Variants in NRDE2 observed in about 807,000 individuals in gnomAD.
The protein encoded by NRDE2 is nuclear exosome regulator NRDE2.
NRDE2 carries 76 observed loss-of-function variants against 124.2 expected under a neutral mutation model. The ratio of observed to expected loss-of-function variants is 0.61; its 90% CI spans 0.51 to 0.74. The LOEUF (loss-of-function observed/expected upper bound fraction) is 0.74, where lower values mean the gene tolerates loss of function less well. NRDE2 is among the 30% of genes least tolerant of loss of function. The pLI is 0.00. For missense variants in NRDE2, 1,314 were observed against 1,417.3 expected, an observed-to-expected ratio of 0.93 and a Z score of 1.17; for synonymous variants, 489 against 528.1, an observed-to-expected ratio of 0.93 and a Z score of 1.01.
chr14:90,278,638 G>T, intron 13 of NRDE2, 177 bp from the exon 14 acceptor site: 1 of 693,018 alleles, frequency 1.4e-6, no homozygotes. Flanking sequence ...GTTCAGGAAG[G>T]ACACTGAACT....
chr14:90,278,937 A>G, intron 13 of NRDE2, 125 bp downstream of exon 13: 1 of 717,430 alleles, frequency 1.4e-6, no homozygotes, highest in South Asian at 1.7e-5. Flanking sequence ...ACCTTGGGAC[A>G]GGGTATGGCG....
chr14:90,288,097 G>C (rs1340805152), intron 11 of NRDE2, 120 bp downstream of exon 11: 29 of 875,532 alleles, frequency 3.3e-5, no homozygotes, highest in Non-Finnish European at 5.0e-5. Flanking sequence ...CCCACGGCAG[G>C]TGTTCTGGGC....
At chr14:90,317,231 T>C (rs1388695892) in intron 2 of NRDE2, among the ~76,000 whole-genome samples, 4 of 152,138 alleles carry the variant, frequency 2.6e-5, no homozygotes, top group Non-Finnish European at 5.9e-5. Flanking sequence ...CTGGGCAACG[T>C]AGCAAGACCT....
intron 8 of NRDE2, among the ~76,000 whole-genome samples, chr14:90,294,909 CAG>C (rs1892366380): frequency 6.6e-6 from 1 of 151,982 alleles, no homozygotes; most frequent in Non-Finnish European, 1.5e-5. Context: ...AACAGGAAAA[CAG>C]AGAGAGAACA....
Position 90,277,695 on chromosome 14 carries a change from C to G in NRDE2, c.*641G>C, listed in dbSNP as rs1347199281. On this transcript the variant is annotated 3_prime_UTR_variant, in exon 14 of 14. Transcript: ENST00000354366. ...CCAGTGCCCCGGGCAGCCTTCCACA[C>G]TCAAGTGGCCTGGGACCTGCTGAAG... 1 of 152,354 alleles carries G rather than the reference C, an allele frequency of 6.6e-6. No homozygotes were observed. The highest frequency in any genetic ancestry group is 1.9e-4 in the East Asian group (1 of 5,196). The allele number at this position is 152,354 out of a possible 1,614,324, so 9.4% of individuals were successfully genotyped here. A position where few individuals can be genotyped will look rare whatever the true frequency, so the allele number is the denominator to read the frequency against.
At chr14:90,318,527 T>G (rs1001539565) in intron 1 of NRDE2, among the ~76,000 whole-genome samples, 1 of 152,190 alleles carries the variant, frequency 6.6e-6, no homozygotes, top group African/African-American at 2.4e-5. Flanking sequence ...CGGCTGGGTA[T>G]GGTGGCTCAT....
intron 4 of NRDE2, among the ~76,000 whole-genome samples, chr14:90,307,500 T>C (rs550151605): frequency 1.2e-4 from 19 of 152,104 alleles, no homozygotes; most frequent in Non-Finnish European, 2.5e-4. Context: ...CCGAGGTGGG[T>C]GGATCAATTA....
At chr14:90,283,832 C>T (rs1258873367) in intron 12 of NRDE2, among the ~76,000 whole-genome samples, 1 of 151,964 alleles carries the variant, frequency 6.6e-6, no homozygotes, top group Non-Finnish European at 1.5e-5. Flanking sequence ...CTGCCTCAGC[C>T]TCCCGAGTAG....
Position 90,274,447 on chromosome 14 carries a change from GAAGAA to G in NRDE2, c.*3884_*3888del, listed in dbSNP as rs1891748390. 1 of 153,088 alleles carries G rather than the reference GAAGAA, an allele frequency of 6.5e-6. No homozygotes were observed. Among genetic ancestry groups the G allele is most frequent in the African/African-American group, 2.4e-5 (1 of 41,404 alleles). 9.5% of individuals were successfully genotyped at this position (153,088 alleles called of 1,614,324 possible). A position where few individuals can be genotyped will look rare whatever the true frequency, so the allele number is the denominator to read the frequency against. Reference sequence around the variant, plus strand: ...TTCTCTGAGGAGTTAGACACAGAAAGAAGAAAACAAGAACGACCTCTGTCCACTGG... The same window carrying G: ...TTCTCTGAGGAGTTAGACACAGAAAGAACAAGAACGACCTCTGTCCACTGG... On this transcript the variant is annotated 3_prime_UTR_variant, in exon 14 of 14. Coordinates refer to ENST00000354366, the MANE Select transcript of NRDE2 (RefSeq NM_017970.4).
In NRDE2 at chr14:90,331,931, T is replaced by C. The variant is rs1172445330; in HGVS notation, c.-27A>G. 1.2e-6 allele frequency: 2 copies of C among 1,613,406 alleles called. No homozygotes were observed. Among genetic ancestry groups the C allele is most frequent in the South Asian group, 2.2e-5 (2 of 91,078 alleles). On this transcript the variant is annotated 5_prime_UTR_variant, in exon 1 of 14. Coordinates refer to ENST00000354366, the MANE Select transcript of NRDE2 (RefSeq NM_017970.4). ...ACCACAGGCCGTACCTCCGTTCTTC[T>C]CTATAGGGATGGCGCCGGCGAGCGA...
chr14:90,291,340 C>G (rs1312380404), intron 9 of NRDE2, among the ~76,000 whole-genome samples: 1 of 152,198 alleles, frequency 6.6e-6, no homozygotes, highest in African/African-American at 2.4e-5. Context: ...ATGTGGGACT[C>G]AATCAAAACC....
rs1253663983 is a variant in NRDE2, at chr14:90,331,917, T to A, written c.-13A>T. 1 of 1,613,922 alleles carries A rather than the reference T, an allele frequency of 6.2e-7. No individual in the cohort carries two copies. The highest frequency in any genetic ancestry group is 8.5e-7 in the Non-Finnish European group (1 of 1,180,036). On this transcript the variant is annotated 5_prime_UTR_variant, in exon 1 of 14. Coordinates refer to ENST00000354366, the MANE Select transcript of NRDE2 (RefSeq NM_017970.4). The stretch of plus-strand genomic sequence containing the variant: ...GGAACAGCGCCATGACCACAGGCCG[T>A]ACCTCCGTTCTTCTCTATAGGGATG...
At chr14:90,311,892 G>A (rs970278131) in intron 4 of NRDE2, among the ~76,000 whole-genome samples, 3 of 152,102 alleles carry the variant, frequency 2.0e-5, no homozygotes, top group Non-Finnish European at 4.4e-5. Context: ...CAAATTAGAG[G>A]GGAAAAGTTC....
chr14:90,282,344 T>A (rs535742461), intron 12 of NRDE2, among the ~76,000 whole-genome samples: 1 of 149,702 alleles, frequency 6.7e-6, no homozygotes, highest in African/African-American at 2.5e-5. Flanking sequence ...GGCATGGTCG[T>A]GCATGCCTGT....
At chr14:90,327,720 T>C (rs1372378382) in intron 1 of NRDE2, among the ~76,000 whole-genome samples, 1 of 152,208 alleles carries the variant, frequency 6.6e-6, no homozygotes, top group Admixed American at 6.5e-5. Context: ...GAATCAAGTA[T>C]TTATCCCAGG....
rs751163719 is a variant in NRDE2, at chr14:90,272,227, T to TA, written c.*6108dup. The TA allele has an allele frequency of 4.4e-6, 7 of 1,593,706 alleles. No homozygotes were observed. Among genetic ancestry groups the TA allele is most frequent in the Non-Finnish European group, 5.1e-6 (6 of 1,174,290 alleles). On this transcript the variant is annotated 3_prime_UTR_variant, in exon 14 of 14. Coordinates refer to ENST00000354366, the MANE Select transcript of NRDE2 (RefSeq NM_017970.4). This position sits in a 1 kb window ranked among gnomAD's most constrained non-coding sequence, Gnocchi z 4.5. The stretch of plus-strand genomic sequence containing the variant: ...GGTTTTTTGGAATTCCTTGTTAGAA[T>TA]AAAAATGAGTATGTCACTTTCTGAA...
rs911251094 is a variant in NRDE2 at position 90,272,608 on chromosome 14, C to T, written c.*5728G>A. The T allele has an allele frequency of 1.5e-4, 74 of 483,314 alleles. 3 individuals are homozygous for T. Among genetic ancestry groups the T allele is most frequent in the Non-Finnish European group, 1.2e-4 (32 of 264,216 alleles). 29.9% of individuals were successfully genotyped at this position (483,314 alleles called of 1,614,324 possible). A position where few individuals can be genotyped will look rare whatever the true frequency, so the allele number is the denominator to read the frequency against. ...TGCAGCAGTCTGCTTCCCAATAAAG[C>T]GTGCTCTTTCACAAACACTTCCTGT... On this transcript the variant is annotated 3_prime_UTR_variant, in exon 14 of 14. Coordinates refer to ENST00000354366, the MANE Select transcript of NRDE2 (RefSeq NM_017970.4). This position sits in a 1 kb window ranked among gnomAD's most constrained non-coding sequence, Gnocchi z 4.5.
At chr14:90,310,001 C>G (rs1225639422) in intron 4 of NRDE2, among the ~76,000 whole-genome samples, 1 of 152,222 alleles carries the variant, frequency 6.6e-6, no homozygotes, top group East Asian at 1.9e-4. Context: ...CACTCCCCTC[C>G]TTTCACCTAT....
At chr14:90,308,879 G>A (rs1884716525) in intron 4 of NRDE2, among the ~76,000 whole-genome samples, 1 of 152,034 alleles carries the variant, frequency 6.6e-6, no homozygotes, top group Non-Finnish European at 1.5e-5. Flanking sequence ...AGGGAACCAA[G>A]GTACCTAAAC....
Sources: allele counts gnomAD v4.1 joint callset (sites outside exome capture counted in the v4.1 genomes callset), GRCh38; gene constraint gnomAD v4.1.1; non-coding constraint Gnocchi (gnomAD v3.1); transcripts MANE v1.5; gene names NCBI Gene and HGNC (gene_info 2026-07-23, HGNC 2026-07-21).